Variants in LRFN2 observed in about 807,000 individuals in gnomAD.
The protein encoded by LRFN2 is leucine-rich repeat and fibronectin type-III domain-containing protein 2.
A neutral mutation model predicts 37.3 loss-of-function variants in LRFN2; 18 were observed. The ratio of observed to expected loss-of-function variants is 0.48; its 90% confidence interval spans 0.33 to 0.72. The LOEUF (loss-of-function observed/expected upper bound fraction) is 0.72. Ranked by LOEUF, LRFN2 falls within the 30% of genes least tolerant of loss-of-function variation. The pLI, the probability that LRFN2 is intolerant of heterozygous loss-of-function variation, is 0.02. For synonymous variants in LRFN2, 556 were observed against 466.6 expected, an observed-to-expected ratio of 1.19 and a Z score of -2.47; for missense variants, 1,006 against 1,060.7, an observed-to-expected ratio of 0.95 and a Z score of 0.72.
chr6:40,536,062 G>T (rs1766443436), intron 1 of LRFN2, among the ~76,000 whole-genome samples: 1 of 152,098 alleles, frequency 6.6e-6, no homozygotes, highest in Admixed American at 6.5e-5. Flanking sequence ...TCAATGGCCA[G>T]CTGCATGTGA....
intron 1 of LRFN2, among the ~76,000 whole-genome samples, chr6:40,465,904 A>T (rs1409503126): frequency 6.6e-6 from 1 of 152,146 alleles, no homozygotes; most frequent in Admixed American, 6.5e-5. Context: ...GGGAGGCTTT[A>T]ACCTGGAAAA....
At chr6:40,574,077 G>C (rs1022699231) in intron 1 of LRFN2, among the ~76,000 whole-genome samples, 1 of 152,194 alleles carries the variant, frequency 6.6e-6, no homozygotes, top group Non-Finnish European at 1.5e-5. Flanking sequence ...AAATCTCATT[G>C]ATATTTTGAG....
chr6:40,463,220 G>A (rs973886466), intron 1 of LRFN2, among the ~76,000 whole-genome samples: 5 of 152,160 alleles, frequency 3.3e-5, no homozygotes, highest in African/African-American at 1.2e-4. Flanking sequence ...TGGATTTTCT[G>A]TCACTCAAAG....
chr6:40,467,592 T>C (rs190839222), intron 1 of LRFN2, among the ~76,000 whole-genome samples: 1 of 152,196 alleles, frequency 6.6e-6, no homozygotes, highest in African/African-American at 2.4e-5. Context: ...GCAACCTGAA[T>C]GGTAAGAAGA....
chr6:40,563,724 T>G (rs1357302886), intron 1 of LRFN2, among the ~76,000 whole-genome samples: 1 of 152,012 alleles, frequency 6.6e-6, no homozygotes, highest in East Asian at 1.9e-4. Flanking sequence ...GAAATCAAGG[T>G]AGAAACAATA....
At chr6:40,578,823 G>A (rs1019477564) in intron 1 of LRFN2, among the ~76,000 whole-genome samples, 3 of 152,116 alleles carry the variant, frequency 2.0e-5, no homozygotes, top group African/African-American at 7.2e-5. Context: ...GAAAACTGAG[G>A]CACAGAAAGA....
chr6:40,513,426 G>T (rs925746314), intron 1 of LRFN2, among the ~76,000 whole-genome samples: 1 of 151,950 alleles, frequency 6.6e-6, no homozygotes, highest in Non-Finnish European at 1.5e-5. Context: ...TAGAGACGGG[G>T]TTTCACCATG....
intron 1 of LRFN2, among the ~76,000 whole-genome samples, chr6:40,581,022 G>A (rs11965398): frequency 0.045 from 6,879 of 152,244 alleles, 250 homozygotes; most frequent in African/African-American, 0.097. Context: ...GTATGAATGT[G>A]TGTGTATGTG....
At chr6:40,517,915 G>C (rs926244218) in intron 1 of LRFN2, among the ~76,000 whole-genome samples, 10 of 152,142 alleles carry the variant, frequency 6.6e-5, no homozygotes, top group Non-Finnish European at 1.3e-4. Flanking sequence ...CTAAGAGGGG[G>C]TCCAAGGGCA....
At position 40,564,642 on chromosome 6, in the gene LRFN2, C is replaced by A. The variant is rs547322655; in HGVS notation, c.-19+22299G>T. Among the ~76,000 whole-genome samples, 26 of 152,220 alleles carry A rather than the reference C, an allele frequency of 1.7e-4. No homozygotes were observed. In the South Asian group the frequency reaches 4.1e-3, roughly 24 times the overall value. On this transcript the variant is annotated intron_variant, in intron 1 of 2. Coordinates refer to ENST00000338305, the MANE Select transcript of LRFN2 (RefSeq NM_020737.3). Reference sequence around the variant, plus strand: ...CTACTCCACTGCTCTCTTAATACACCCACTCTCACCATCCTCCAATCAGTT... The same window carrying A: ...CTACTCCACTGCTCTCTTAATACACACACTCTCACCATCCTCCAATCAGTT...
intron 2 of LRFN2, among the ~76,000 whole-genome samples, chr6:40,401,261 T>C (rs1762734672): frequency 6.6e-6 from 1 of 152,066 alleles, no homozygotes; most frequent in Admixed American, 6.5e-5. Flanking sequence ...CTCTCCAGGC[T>C]CCCTTGCAGC....
Position 40,503,224 on chromosome 6 carries a change from T to G in LRFN2, c.-18-70093A>C, listed in dbSNP as rs140496485. Among the ~76,000 whole-genome samples, 234 of 152,068 alleles carry G rather than the reference T, an allele frequency of 1.5e-3. 2 individuals carry two copies. The highest frequency in any genetic ancestry group is 5.4e-3 in the African/African-American group (224 of 41,452). On this transcript the variant is annotated intron_variant, in intron 1 of 2. Transcript: ENST00000338305. ...GGTTAGGATGGCAGAGAGGGTGACATGATTAGAGTTTTGGTGTGGAAATTG... is the reference window on the plus strand; with the variant it reads ...GGTTAGGATGGCAGAGAGGGTGACAGGATTAGAGTTTTGGTGTGGAAATTG...
At chr6:40,562,274 C>A (rs1467473369) in intron 1 of LRFN2, among the ~76,000 whole-genome samples, 1 of 152,004 alleles carries the variant, frequency 6.6e-6, no homozygotes, top group Non-Finnish European at 1.5e-5. Flanking sequence ...AAGGAGGAAC[C>A]ATGACTACGC....
At chr6:40,556,354 C>T (rs751027652) in intron 1 of LRFN2, among the ~76,000 whole-genome samples, 1 of 152,146 alleles carries the variant, frequency 6.6e-6, no homozygotes, top group Non-Finnish European at 1.5e-5. Flanking sequence ...CAGCAGGGGC[C>T]CTTCTGCTCA....
intron 1 of LRFN2, among the ~76,000 whole-genome samples, chr6:40,447,774 C>T (rs1764005227): frequency 6.6e-6 from 1 of 152,078 alleles, no homozygotes; most frequent in Non-Finnish European, 1.5e-5. Context: ...AGATGATGTA[C>T]TCTGGGTGGC....
chr6:40,580,903 ATG>A (rs1767385415), intron 1 of LRFN2, among the ~76,000 whole-genome samples: 2 of 152,130 alleles, frequency 1.3e-5, no homozygotes, highest in South Asian at 4.2e-4. Context: ...ATGTGAACGT[ATG>A]TGTTAGTGTG....
intron 1 of LRFN2, among the ~76,000 whole-genome samples, chr6:40,532,732 A>G (rs1766370045): frequency 6.6e-6 from 1 of 152,234 alleles, no homozygotes; most frequent in Admixed American, 6.5e-5. Flanking sequence ...TACAGTAATT[A>G]TAACAGCCTG....
At chr6:40,579,861 G>A (rs573250179) in intron 1 of LRFN2, among the ~76,000 whole-genome samples, 1 of 149,910 alleles carries the variant, frequency 6.7e-6, no homozygotes, top group East Asian at 2.0e-4. Context: ...TTCAATTAAT[G>A]CTTGCTGAAT....
chr6:40,392,814 G>GT lies in LRFN2; in HGVS notation c.1498dup (p.Thr500AsnfsTer19). 1 of 1,614,044 alleles carries GT rather than the reference G, an allele frequency of 6.2e-7. No homozygotes were observed. The highest frequency in any genetic ancestry group is 8.5e-7 in the Non-Finnish European group (1 of 1,179,976). On this transcript the variant is annotated frameshift_variant, in exon 3 of 3. Coordinates refer to ENST00000338305, the MANE Select transcript of LRFN2 (RefSeq NM_020737.3). LOFTEE classifies it high-confidence loss of function. This position sits in a 1 kb window ranked among gnomAD's most constrained non-coding sequence, Gnocchi z 4.7. ...CACGATGTTGGTGGCCGTGAGTGTC[G>GT]TGGCTGTGTCATCCCACATGGCCAG...
Sources: gnomAD v4.1 joint callset for allele counts (sites outside exome capture counted in the v4.1 genomes callset) on GRCh38, gnomAD v4.1.1 for gene constraint, Gnocchi (gnomAD v3.1) non-coding constraint, MANE v1.5 for transcripts, NCBI Gene and HGNC (gene_info 2026-07-23, HGNC 2026-07-21) for gene names.